The following NXNL2 variants were observed in gnomAD, a reference collection of about 807,000 sequenced individuals.
NXNL2 encodes the protein nucleoredoxin-like protein 2.
Under a neutral mutation model 11.1 loss-of-function variants are expected in NXNL2, and 7 were observed. The ratio of observed to expected loss-of-function variants is 0.63; its 90% confidence interval spans 0.36 to 1.18. The LOEUF is 1.18. Ranked by LOEUF, NXNL2 falls within the 50% of genes most tolerant of loss-of-function variation. The probability of loss-of-function intolerance (pLI) is 0.02; values close to 1 mark genes in which losing one functional copy is unlikely to be tolerated. For synonymous variants in NXNL2, 109 were observed against 101.8 expected (o/e 1.07, Z -0.42); for missense variants, 233 against 217.7 (o/e 1.07, Z -0.44).
chr9:88,540,304 TC>T (rs1425947411), intron 1 of NXNL2, among the ~76,000 whole-genome samples: 2 of 150,264 alleles, frequency 1.3e-5, no homozygotes, highest in Non-Finnish European at 3.0e-5. Context: ...TGCACTCCAG[TC>T]TGGGCGAAAG....
At chr9:88,565,094 T>G (rs1830149221) in intron 1 of NXNL2, among the ~76,000 whole-genome samples, 1 of 152,202 alleles carries the variant, frequency 6.6e-6, no homozygotes, top group South Asian at 2.1e-4. Context: ...ACACCTCCTG[T>G]AAGTGGAATC....
intron 1 of NXNL2, among the ~76,000 whole-genome samples, chr9:88,581,182 T>G (rs1830404961): frequency 6.6e-6 from 1 of 152,210 alleles, no homozygotes. Context: ...TCTGCCAAGT[T>G]AAGTCTTTTA....
At chr9:88,565,359 C>G (rs934287340) in intron 1 of NXNL2, among the ~76,000 whole-genome samples, 1 of 152,098 alleles carries the variant, frequency 6.6e-6, no homozygotes, top group Non-Finnish European at 1.5e-5. Flanking sequence ...GATCTCAATT[C>G]TTTTGGATAA....
intron 1 of NXNL2, among the ~76,000 whole-genome samples, chr9:88,552,706 T>C (rs1829956030): frequency 6.6e-6 from 1 of 152,150 alleles, no homozygotes; most frequent in East Asian, 1.9e-4. Flanking sequence ...CCTGACCTCG[T>C]GATCCGCCCA....
chr9:88,581,430 C>T (rs964712213), intron 1 of NXNL2, among the ~76,000 whole-genome samples: 11 of 82,166 alleles, frequency 1.3e-4, no homozygotes, highest in African/African-American at 6.0e-4. Context: ...AATGAAGCAA[C>T]CACTTTTTCT....
At chr9:88,569,631 CTTATTG>C (rs1830229030) in intron 1 of NXNL2, among the ~76,000 whole-genome samples, 1 of 152,144 alleles carries the variant, frequency 6.6e-6, no homozygotes, top group Admixed American at 6.5e-5. Flanking sequence ...ATAATATGCA[CTTATTG>C]TTATTAAGTG....
intron 1 of NXNL2, among the ~76,000 whole-genome samples, chr9:88,554,113 G>A (rs1829981167): frequency 6.6e-6 from 1 of 152,212 alleles, no homozygotes; most frequent in African/African-American, 2.4e-5. Context: ...AGGGCCTCAG[G>A]CAGGGATAAA....
downstream of NXNL2, among the ~76,000 whole-genome samples, chr9:88,580,694 A>T (rs1245632151): frequency 6.6e-6 from 1 of 152,188 alleles, no homozygotes; most frequent in Non-Finnish European, 1.5e-5. Context: ...AATCCCAGGG[A>T]CTTAGCATTG....
At chr9:88,558,794 G>C (rs761814214) in intron 1 of NXNL2, among the ~76,000 whole-genome samples, 13 of 152,136 alleles carry the variant, frequency 8.5e-5, no homozygotes, top group African/African-American at 1.9e-4. Context: ...TGTCAGAAGT[G>C]AGTGGTGAGT....
chr9:88,562,441 A>G (rs1010151098), intron 1 of NXNL2, among the ~76,000 whole-genome samples: 3 of 152,190 alleles, frequency 2.0e-5, no homozygotes, highest in Admixed American at 2.0e-4. Flanking sequence ...AAAAAATGAA[A>G]AAAGAAAGAA....
At chr9:88,546,148 C>CGT (rs747134247), downstream of NXNL2, among the ~76,000 whole-genome samples, 9,491 of 147,386 alleles carry the variant, frequency 0.064, 626 homozygotes, top group African/African-American at 0.17. Context: ...ACTGAGTGTT[C>CGT]GTGTGTGTGT....
chr9:88,544,348 CTAACTTCGG>C, intron 1 of NXNL2, 22 bp from the exon 2 acceptor site: 1 of 1,533,406 alleles, frequency 6.5e-7, no homozygotes, highest in African/African-American at 1.4e-5. Context: ...TGTGGGAGTG[CTAACTTCGG>C]TACCACTCTT....
At chr9:88,541,769 A>C (rs1173804568) in intron 1 of NXNL2, among the ~76,000 whole-genome samples, 1 of 152,064 alleles carries the variant, frequency 6.6e-6, no homozygotes, top group Admixed American at 6.6e-5. Flanking sequence ...CTATATACTA[A>C]AGTTTTGGAT....
chr9:88,548,050 T>C (rs779279761), downstream of NXNL2, among the ~76,000 whole-genome samples: 13 of 145,558 alleles, frequency 8.9e-5, no homozygotes, highest in Non-Finnish European at 1.5e-4. Context: ...AATGATCTTA[T>C]CTGATGAGTC....
At chr9:88,554,159 C>A (rs932692943) in intron 1 of NXNL2, among the ~76,000 whole-genome samples, 1 of 152,026 alleles carries the variant, frequency 6.6e-6, no homozygotes, top group African/African-American at 2.4e-5. Flanking sequence ...GCTGGAGGAA[C>A]CTGTAAGGAC....
At chr9:88,554,844 C>A (rs571824667) in intron 1 of NXNL2, among the ~76,000 whole-genome samples, 1 of 152,174 alleles carries the variant, frequency 6.6e-6, no homozygotes, top group South Asian at 2.1e-4. Context: ...ATTTTTATAC[C>A]ATGGGGGAAC....
At chr9:88,535,838 C>A (rs879821584) in intron 1 of NXNL2, 102 bp downstream of exon 1, 8 of 853,160 alleles carry the variant, frequency 9.4e-6, no homozygotes, top group Admixed American at 5.9e-5. Context: ...GACGCCCCCC[C>A]CCAACACCTC....
chr9:88,572,864 G>A (rs1449920062), intron 2 of NXNL2, among the ~76,000 whole-genome samples: 1 of 152,206 alleles, frequency 6.6e-6, no homozygotes, highest in Non-Finnish European at 1.5e-5. Flanking sequence ...GCCGGGATGT[G>A]CTCACAGGCT....
chr9:88,575,219 C>T, exon 3 of NXNL2: 3 of 926,440 alleles, frequency 3.2e-6, no homozygotes, highest in Non-Finnish European at 3.9e-6. Flanking sequence ...GTGCTGTGAC[C>T]ATGTGACTCA....
Sources: gnomAD v4.1 joint callset for allele counts (sites outside exome capture counted in the v4.1 genomes callset) on GRCh38, gnomAD v4.1.1 for gene constraint, MANE v1.5 for transcripts, NCBI Gene and HGNC (gene_info 2026-07-23, HGNC 2026-07-21) for gene names.